Variants in CTNNA3 observed in about 807,000 individuals in gnomAD.
CTNNA3 encodes the protein catenin alpha 3, also known as catenin alpha-3.
In CTNNA3, 76 loss-of-function variants were observed where a neutral mutation model predicts 95.7. The observed-to-expected ratio is 0.79, with a 90% CI of 0.66 to 0.96. CTNNA3 has a LOEUF of 0.96. Ranked by LOEUF, CTNNA3 falls within the 40% of genes least tolerant of loss-of-function variation. The probability of loss-of-function intolerance (pLI) is 0.00; values close to 1 mark genes in which losing one functional copy is unlikely to be tolerated. For missense variants in CTNNA3, 1,191 were observed against 1,089.8 expected (o/e 1.09, Z -1.31); for synonymous variants, 431 against 374.4 (o/e 1.15, Z -1.74).
At chr10:66,931,248 A>G (rs185518370) in intron 7 of CTNNA3, among the ~76,000 whole-genome samples, 2 of 151,534 alleles carry the variant, frequency 1.3e-5, no homozygotes. Flanking sequence ...AACACAGAAT[A>G]CTTTGCTTTA....
At chr10:66,177,400 G>C (rs1184395899) in intron 13 of CTNNA3, among the ~76,000 whole-genome samples, 3 of 151,708 alleles carry the variant, frequency 2.0e-5, no homozygotes, top group Non-Finnish European at 4.4e-5. Context: ...AAATGCACCA[G>C]ATTTTTAAAA....
At chr10:67,190,648 T>C (rs1432582189) in intron 6 of CTNNA3, among the ~76,000 whole-genome samples, 2 of 150,318 alleles carry the variant, frequency 1.3e-5, no homozygotes, top group Non-Finnish European at 2.9e-5. Context: ...GACAAAATGC[T>C]TTCTTTGTTT....
intron 13 of CTNNA3, among the ~76,000 whole-genome samples, chr10:66,211,570 G>A (rs1037344359): frequency 1.3e-5 from 2 of 152,184 alleles, no homozygotes; most frequent in Admixed American, 6.5e-5. Flanking sequence ...TGAGTACCGA[G>A]TACAAGCCTG....
chr10:66,030,026 AG>A (rs1330653741), intron 15 of CTNNA3, among the ~76,000 whole-genome samples: 1 of 152,140 alleles, frequency 6.6e-6, no homozygotes, highest in Non-Finnish European at 1.5e-5. Flanking sequence ...AGGAGGTGAA[AG>A]ATCTCTACAA....
chr10:66,688,560 A>G (rs1238119798), intron 9 of CTNNA3, among the ~76,000 whole-genome samples: 1 of 152,138 alleles, frequency 6.6e-6, no homozygotes, highest in Middle Eastern at 3.2e-3. Context: ...ACAGTAGCCA[A>G]TTCACCAGTT....
chr10:66,305,384 A>G (rs1052939518), intron 12 of CTNNA3, among the ~76,000 whole-genome samples: 2 of 152,146 alleles, frequency 1.3e-5, no homozygotes, highest in African/African-American at 2.4e-5. Flanking sequence ...ACACATGAAA[A>G]ACTGAAAAGA....
At chr10:66,706,767 G>A (rs1309639766) in intron 9 of CTNNA3, among the ~76,000 whole-genome samples, 1 of 151,988 alleles carries the variant, frequency 6.6e-6, no homozygotes, top group Non-Finnish European at 1.5e-5. Context: ...ATGAAAAGGG[G>A]GAGGGGGTCA....
At chr10:67,372,015 CA>C (rs569757181) in intron 5 of CTNNA3, among the ~76,000 whole-genome samples, 6,237 of 152,000 alleles carry the variant, frequency 0.041, 183 homozygotes, top group South Asian at 0.1. Flanking sequence ...CTGTTGGCTG[CA>C]TAAATGTCTT....
intron 7 of CTNNA3, among the ~76,000 whole-genome samples, chr10:67,133,302 GCC>G (rs1351466672): frequency 1.5e-4 from 9 of 59,566 alleles, no homozygotes; most frequent in African/African-American, 8.7e-4. Flanking sequence ...AGAGCATATT[GCC>G]TGATATATAT....
chr10:66,896,687 C>T (rs1845505309), intron 7 of CTNNA3, among the ~76,000 whole-genome samples: 1 of 152,160 alleles, frequency 6.6e-6, no homozygotes, highest in Non-Finnish European at 1.5e-5. Context: ...AGGACTTCAC[C>T]AGTCACGGCC....
chr10:66,008,829 C>G (rs760820090), intron 15 of CTNNA3, among the ~76,000 whole-genome samples: 2 of 152,078 alleles, frequency 1.3e-5, no homozygotes, highest in Non-Finnish European at 2.9e-5. Context: ...AGGCCGGGTG[C>G]GGTGGCTCAC....
chr10:67,127,666 G>A (rs564851443), intron 7 of CTNNA3, among the ~76,000 whole-genome samples: 1 of 152,180 alleles, frequency 6.6e-6, no homozygotes, highest in East Asian at 1.9e-4. Flanking sequence ...GGGAAGTACC[G>A]AGATTCCTGT....
intron 17 of CTNNA3, among the ~76,000 whole-genome samples, chr10:65,932,210 G>T (rs1241192928): frequency 6.6e-6 from 1 of 152,068 alleles, no homozygotes; most frequent in Non-Finnish European, 1.5e-5. Context: ...TACCTTATAG[G>T]GTTGTCAGAA....
chr10:66,479,295 TAAATAC>T (rs1839432469), intron 11 of CTNNA3, among the ~76,000 whole-genome samples: 1 of 113,368 alleles, frequency 8.8e-6, no homozygotes, highest in East Asian at 3.2e-3. Context: ...CACACTTCCT[TAAATAC>T]TAAATCTCAT....
chr10:66,709,116 A>C (rs1848212390), intron 9 of CTNNA3, among the ~76,000 whole-genome samples: 1 of 152,120 alleles, frequency 6.6e-6, no homozygotes, highest in Non-Finnish European at 1.5e-5. Context: ...TAAACACAGC[A>C]GCAGAACCTT....
intron 13 of CTNNA3, among the ~76,000 whole-genome samples, chr10:66,143,862 A>T (rs548900448): frequency 6.6e-6 from 1 of 152,292 alleles, no homozygotes; most frequent in Non-Finnish European, 1.5e-5. Flanking sequence ...TTATCTTAAA[A>T]CTTTAAACCA....
At chr10:67,643,242 G>T (rs983064066) in intron 2 of CTNNA3, among the ~76,000 whole-genome samples, 1 of 152,108 alleles carries the variant, frequency 6.6e-6, no homozygotes, top group African/African-American at 2.4e-5. Context: ...AACACCACAT[G>T]TTCTCACTTA....
chr10:66,331,338 G>GCTTGCTTTT (rs1417713676), intron 12 of CTNNA3, among the ~76,000 whole-genome samples: 552 of 39,066 alleles, frequency 0.014, 101 homozygotes, highest in African/African-American at 0.034. Flanking sequence ...TTTCCCCATT[G>GCTTGCTTTT]TTTGTTTTTT....
intron 7 of CTNNA3, among the ~76,000 whole-genome samples, chr10:66,840,056 C>T (rs867188653): frequency 6.6e-6 from 1 of 151,902 alleles, no homozygotes; most frequent in African/African-American, 2.4e-5. Context: ...AAAACTAATC[C>T]CGAATAGGCC....
Sources: allele counts gnomAD v4.1 joint callset (sites outside exome capture counted in the v4.1 genomes callset), GRCh38; gene constraint gnomAD v4.1.1; transcripts MANE v1.5; gene names NCBI Gene and HGNC (gene_info 2026-07-23, HGNC 2026-07-21).